RYR3: variants seen among roughly 807,000 people sequenced by gnomAD.
RYR3 encodes the protein ryanodine receptor 3.
In RYR3, 207 loss-of-function variants were observed where a neutral mutation model predicts 584.3. The ratio of observed to expected loss-of-function variants is 0.35; its 90% CI spans 0.32 to 0.40. RYR3 has a LOEUF of 0.40. Among genes scored for constraint, RYR3 ranks in the 10% least tolerant of loss-of-function variants. RYR3 has a pLI of 1.00. For synonymous variants in RYR3, 2,416 were observed against 2,248.5 expected (o/e 1.07, Z -2.11); for missense variants, 5,616 against 6,089.2 (o/e 0.92, Z 2.59).
At chr15:33,655,080 C>T (rs1002402010) in intron 32 of RYR3, among the ~76,000 whole-genome samples, 1 of 152,250 alleles carries the variant, frequency 6.6e-6, no homozygotes, top group Non-Finnish European at 1.5e-5. Flanking sequence ...ACCCTCTCTG[C>T]ACCTCCTCCT....
intron 16 of RYR3, among the ~76,000 whole-genome samples, chr15:33,592,146 C>G (rs2059159957): frequency 6.6e-6 from 1 of 152,212 alleles, no homozygotes; most frequent in Admixed American, 6.5e-5. Flanking sequence ...CTGTGACACA[C>G]AACCCCGTAT....
At chr15:33,811,070 C>T (rs999186571) in intron 72 of RYR3, 33 bp downstream of exon 72, 10 of 1,577,672 alleles carry the variant, frequency 6.3e-6, no homozygotes, top group South Asian at 2.3e-5. Flanking sequence ...AGAACTCACA[C>T]CGGCTTTCCT....
chr15:33,488,576 G>A (rs115555987), intron 2 of RYR3, among the ~76,000 whole-genome samples: 1,941 of 151,946 alleles, frequency 0.013, 50 homozygotes, highest in African/African-American at 0.044. Flanking sequence ...AGTCATGGCC[G>A]GGCATGGTGG....
At position 33,738,610 on chromosome 15, in the gene RYR3, A is replaced by C. The variant is rs1472559619; in HGVS notation, c.7656+20A>C. 6.2e-7 allele frequency: 1 copy of C among 1,613,254 alleles called. No individual in the cohort carries two copies. Among genetic ancestry groups the C allele is most frequent in the Non-Finnish European group, 8.5e-7 (1 of 1,179,508 alleles). On this transcript the variant is annotated intron_variant, in intron 50 of 103. Coordinates refer to ENST00000634891, the MANE Select transcript of RYR3 (RefSeq NM_001036.6). ...CATAAGGTAATGACAGTACTTTCTG[A>C]ACAAAAAGAGAGCATCTCAGTGCTC...
chr15:33,441,289 A>G (rs2046211493), intron 1 of RYR3, among the ~76,000 whole-genome samples: 1 of 152,224 alleles, frequency 6.6e-6, no homozygotes, highest in African/African-American at 2.4e-5. Flanking sequence ...TTTCAGCCAC[A>G]GTATTAACTA....
chr15:33,664,614 T>TATATATATATACAC (rs1491296584), intron 36 of RYR3, among the ~76,000 whole-genome samples: 10 of 120,532 alleles, frequency 8.3e-5, no homozygotes, highest in South Asian at 2.8e-4. Context: ...TATATATATA[T>TATATATATATACAC]ACGTATGTAT....
chr15:33,763,914 A>AAAAAAAAAAAAC (rs2072752620), intron 60 of RYR3, among the ~76,000 whole-genome samples: 1 of 127,580 alleles, frequency 7.8e-6, no homozygotes, highest in Non-Finnish European at 1.7e-5. Context: ...AAAAAAAAAA[A>AAAAAAAAAAAAC]AATCAGGAAA....
At chr15:33,537,254 T>C (rs1335201873) in intron 5 of RYR3, among the ~76,000 whole-genome samples, 2 of 143,128 alleles carry the variant, frequency 1.4e-5, no homozygotes, top group African/African-American at 5.9e-5. Context: ...TGATCTGTTC[T>C]CTCAGTTTCA....
intron 1 of RYR3, among the ~76,000 whole-genome samples, chr15:33,371,930 G>A (rs1177731265): frequency 6.6e-6 from 1 of 152,218 alleles, no homozygotes; most frequent in Non-Finnish European, 1.5e-5. Flanking sequence ...CAACCAACTT[G>A]TTTATCTGGC....
At chr15:33,517,801 C>T (rs1342272956) in intron 3 of RYR3, among the ~76,000 whole-genome samples, 3 of 152,144 alleles carry the variant, frequency 2.0e-5, no homozygotes, top group African/African-American at 7.2e-5. Context: ...CACTATGACC[C>T]ATCACAGGCC....
At chr15:33,719,461 A>G (rs544885556) in intron 43 of RYR3, among the ~76,000 whole-genome samples, 1 of 152,384 alleles carries the variant, frequency 6.6e-6, no homozygotes, top group Non-Finnish European at 1.5e-5. Context: ...CTGACCCACA[A>G]GCATTTCCAC....
chr15:33,754,115 A>G (rs8040629), intron 57 of RYR3, among the ~76,000 whole-genome samples: 48,060 of 151,908 alleles, frequency 0.32, 9,355 homozygotes, highest in African/African-American at 0.56. Flanking sequence ...ATGCACTCCA[A>G]TCTGGGCGAC....
intron 60 of RYR3, among the ~76,000 whole-genome samples, chr15:33,765,738 A>G (rs991402532): frequency 6.6e-6 from 1 of 151,894 alleles, no homozygotes; most frequent in Non-Finnish European, 1.5e-5. Context: ...ATTAAATATC[A>G]CCATCTTGGG....
At chr15:33,656,812 C>T (rs372148851) in intron 32 of RYR3, among the ~76,000 whole-genome samples, 10 of 152,338 alleles carry the variant, frequency 6.6e-5, no homozygotes, top group Non-Finnish European at 1.2e-4. Context: ...CCCTCCATTT[C>T]AAAGCCAACA....
At chr15:33,628,411 A>G (rs1400829025) in intron 20 of RYR3, 60 bp from the exon 21 acceptor site, 23 of 1,261,490 alleles carry the variant, frequency 1.8e-5, no homozygotes, top group South Asian at 3.7e-5. Context: ...CCCAGCTCCT[A>G]TAGATTTTAT....
intron 1 of RYR3, among the ~76,000 whole-genome samples, chr15:33,336,039 A>T (rs1254958604): frequency 6.6e-6 from 1 of 152,214 alleles, no homozygotes; most frequent in Non-Finnish European, 1.5e-5. Flanking sequence ...TTATTTTAAA[A>T]GACTTTTTAG....
intron 57 of RYR3, among the ~76,000 whole-genome samples, chr15:33,754,265 C>G (rs992662000): frequency 4.6e-5 from 7 of 152,198 alleles, no homozygotes; most frequent in African/African-American, 1.7e-4. Flanking sequence ...AACACAGCAA[C>G]CAGTGATCCT....
chr15:33,701,542 C>G (rs1267835299), intron 42 of RYR3, among the ~76,000 whole-genome samples: 1 of 152,110 alleles, frequency 6.6e-6, no homozygotes, highest in Non-Finnish European at 1.5e-5. Context: ...TTGAGGCGGC[C>G]TCACTACGTC....
chr15:33,756,263 C>G, intron 58 of RYR3, 43 bp from the exon 59 acceptor site: 1 of 1,388,844 alleles, frequency 7.2e-7, no homozygotes. Context: ...CTGATTTTTA[C>G]TTCGTAACTC....
Sources: allele counts gnomAD v4.1 joint callset (sites outside exome capture counted in the v4.1 genomes callset), GRCh38; gene constraint gnomAD v4.1.1; transcripts MANE v1.5; gene names NCBI Gene and HGNC (gene_info 2026-07-23, HGNC 2026-07-21).